The following SULT1A1 variants were observed in gnomAD, a reference collection of about 807,000 sequenced individuals.
The protein encoded by SULT1A1 is sulfotransferase 1A1.
SULT1A1 carries 35 observed loss-of-function variants against 36.8 expected under a neutral mutation model. The observed-to-expected ratio is 0.95, with a 90% CI of 0.73 to 1.26. The LOEUF (loss-of-function observed/expected upper bound fraction) is 1.26, where lower values mean the gene tolerates loss of function less well. Ranked by LOEUF, SULT1A1 falls within the 50% of genes most tolerant of loss-of-function variation. The probability of loss-of-function intolerance (pLI) is 0.00; values close to 1 mark genes in which losing one functional copy is unlikely to be tolerated. For missense variants in SULT1A1, 309 were observed against 383.0 expected (o/e 0.81, Z 1.61); for synonymous variants, 119 against 146.0 (o/e 0.82, Z 1.33).
chr16:28,620,182 G>A (rs753299045), intron 1 of SULT1A1: 2 of 1,549,136 alleles, frequency 1.3e-6, no homozygotes, highest in Middle Eastern at 2.3e-4. Context: ...GTAGAGTACT[G>A]TATAACAGTT....
chr16:28,611,049 CTG>C (rs576497639), upstream of SULT1A1: 29 of 152,448 alleles, frequency 1.9e-4, no homozygotes, highest in East Asian at 5.6e-3. Context: ...CCTCCCTCCT[CTG>C]TGCCCATGAG....
At chr16:28,610,891 A>C (rs2047426490), upstream of SULT1A1, 1 of 152,248 alleles carries the variant, frequency 6.6e-6, no homozygotes, top group Non-Finnish European at 1.5e-5. Context: ...ACAGGTAAAC[A>C]ACCATCTGAG....
chr16:28,622,779 G>T (rs1264358585), intron 1 of SULT1A1, among the ~76,000 whole-genome samples: 1 of 152,058 alleles, frequency 6.6e-6, no homozygotes, highest in African/African-American at 2.4e-5. Flanking sequence ...CTTTTTCAGG[G>T]GGCAAAGACC....
At chr16:28,621,805 T>A (rs1158312852) in intron 1 of SULT1A1, among the ~76,000 whole-genome samples, 1 of 152,024 alleles carries the variant, frequency 6.6e-6, no homozygotes, top group African/African-American at 2.4e-5. Context: ...TTCAAGGCTA[T>A]AGAAATTGCA....
At chr16:28,615,447 G>A (rs1307903165) in intron 2 of SULT1A1, among the ~76,000 whole-genome samples, 1 of 143,868 alleles carries the variant, frequency 7.0e-6, no homozygotes, top group Non-Finnish European at 1.5e-5. Flanking sequence ...TCCCCACCCG[G>A]CCACAGGTTG....
At chr16:28,609,161 G>T (rs1488222845) in intron 1 of SULT1A1, 2 of 1,378,552 alleles carry the variant, frequency 1.5e-6, no homozygotes, top group Admixed American at 3.0e-5. Flanking sequence ...CAGGGTGTGT[G>T]AAGGTCTCCA....
At chr16:28,610,166 G>C (rs1413126932), upstream of SULT1A1, 40 of 1,285,000 alleles carry the variant, frequency 3.1e-5, 1 homozygote, top group Non-Finnish European at 3.6e-5. Flanking sequence ...AGCTTAAAGT[G>C]ATCTCCAAAG....
intron 6 of SULT1A1, 100 bp downstream of exon 6, chr16:28,606,661 T>C (rs1430430588): frequency 6.5e-7 from 1 of 1,540,828 alleles, no homozygotes. Flanking sequence ...GGTCCTGCTG[T>C]GGGGGCTGCC....
intron 1 of SULT1A1, among the ~76,000 whole-genome samples, chr16:28,621,904 T>A (rs2047664065): frequency 6.6e-6 from 1 of 152,206 alleles, no homozygotes; most frequent in African/African-American, 2.4e-5. Flanking sequence ...GTGATCAGCC[T>A]GTTTTACAGC....
At chr16:28,621,280 G>A (rs533691356) in intron 1 of SULT1A1, among the ~76,000 whole-genome samples, 12 of 151,594 alleles carry the variant, frequency 7.9e-5, no homozygotes, top group Admixed American at 3.3e-4. Context: ...TCAGGAGTTC[G>A]AGACGACCCT....
At position 28,607,082 on chromosome 16, in the gene SULT1A1, A is replaced by G. The variant is rs1482101058; in HGVS notation, c.373-5T>C. The G allele has an allele frequency of 6.2e-7, 1 of 1,612,188 alleles. No homozygotes were observed. Among genetic ancestry groups the G allele is most frequent in the Admixed American group, 1.7e-5 (1 of 59,924 alleles). ...GTTGCGGGCAACATAGACCACCTGCAGGGGCAGAAGACTCAACCCCAGCAC... is the reference window on the plus strand; with the variant it reads ...GTTGCGGGCAACATAGACCACCTGCGGGGGCAGAAGACTCAACCCCAGCAC... On this transcript the variant is annotated splice_region_variant and splice_polypyrimidine_tract_variant and intron_variant, in intron 4 of 7. Transcript: ENST00000314752.
intron 2 of SULT1A1, among the ~76,000 whole-genome samples, chr16:28,617,933 A>G (rs1479835021): frequency 6.6e-6 from 1 of 151,830 alleles, no homozygotes; most frequent in Admixed American, 6.6e-5. Flanking sequence ...GATGAGACTC[A>G]CTCATTGTAA....
intron 2 of SULT1A1, among the ~76,000 whole-genome samples, chr16:28,617,079 A>G (rs901484469): frequency 1.3e-5 from 2 of 151,434 alleles, no homozygotes; most frequent in African/African-American, 2.4e-5. Context: ...GCAGTGGTAC[A>G]ATCATAGCTT....
intron 2 of SULT1A1, among the ~76,000 whole-genome samples, chr16:28,618,201 C>T (rs918101774): frequency 6.6e-6 from 1 of 151,874 alleles, no homozygotes; most frequent in African/African-American, 2.4e-5. Flanking sequence ...CTATGCCCAG[C>T]TAATTTATTT....
intron 2 of SULT1A1, among the ~76,000 whole-genome samples, chr16:28,616,822 G>A (rs6498090): frequency 0.028 from 4,284 of 152,136 alleles, 221 homozygotes; most frequent in African/African-American, 0.097. Flanking sequence ...CCTCAGCTCC[G>A]GGTGTTCAAC....
chr16:28,620,774 T>C (rs921205302), intron 1 of SULT1A1, among the ~76,000 whole-genome samples: 2 of 152,142 alleles, frequency 1.3e-5, no homozygotes, highest in East Asian at 1.9e-4. Flanking sequence ...TTGTGAAAAG[T>C]TGAACATTTG....
At chr16:28,619,574 G>A (rs749447727) in intron 2 of SULT1A1, among the ~76,000 whole-genome samples, 11 of 151,998 alleles carry the variant, frequency 7.2e-5, no homozygotes, top group Non-Finnish European at 1.3e-4. Context: ...AAAATAATTA[G>A]CTGGGTGTGG....
rs1472219297 is a variant in SULT1A1 at position 28,608,810 on chromosome 16, T to C, written c.46A>G (p.Lys16Glu). 1.2e-6 allele frequency: 2 copies of C among 1,611,950 alleles called. No homozygotes were observed. Among genetic ancestry groups the C allele is most frequent in the East Asian group, 4.5e-5 (2 of 44,868 alleles). The change falls in exon 2 of 8, where the codon AAG becomes GAG. Residue 16 changes from lysine (K) to glutamate (E), a missense_variant. By Grantham distance (56) the Lys-to-Glu change is moderately conservative. This residue lies in a region of SULT1A1 where 23 missense variants were observed against 45.7 expected (regional missense o/e 0.50). Transcript: ENST00000314752. ...AAGTACTTGATGAGCGGGACCCCCT[T>C]CACGTACTCCAGTGGCGGGCGGGAG... Reference protein sequence around the residue: ...DTSRPPLEYVKGVPLIKYFAE... With the variant: ...DTSRPPLEYVEGVPLIKYFAE...
At chr16:28,609,321 T>C (rs1451021823) in intron 1 of SULT1A1, 1 of 1,284,628 alleles carries the variant, frequency 7.8e-7, no homozygotes, top group South Asian at 1.3e-5. Context: ...GCCCCTCACA[T>C]GTGGAAACCG....
Sources: gnomAD v4.1 joint callset for allele counts (sites outside exome capture counted in the v4.1 genomes callset) on GRCh38, gnomAD v4.1.1 for gene constraint, gnomAD v4.1.1 regional missense constraint, MANE v1.5 for transcripts, NCBI Gene and HGNC (gene_info 2026-07-23, HGNC 2026-07-21) for gene names.